Variants in KRT8 observed in about 807,000 individuals in gnomAD.
KRT8 encodes the protein keratin, type II cytoskeletal 8.
In KRT8, 24 loss-of-function variants were observed where a neutral mutation model predicts 43.0. The observed-to-expected ratio is 0.56, with a 90% CI of 0.40 to 0.78. KRT8 has a LOEUF of 0.78. Ranked by LOEUF, KRT8 falls within the 30% of genes least tolerant of loss-of-function variation. The pLI, the probability that KRT8 is intolerant of heterozygous loss-of-function variation, is 0.00. For missense variants in KRT8, 492 were observed against 638.4 expected, an observed-to-expected ratio of 0.77 and a Z score of 2.47; for synonymous variants, 214 against 261.2, an observed-to-expected ratio of 0.82 and a Z score of 1.74.
chr12:52,904,089 C>T (rs1941449347), intron 1 of KRT8, among the ~76,000 whole-genome samples: 1 of 151,754 alleles, frequency 6.6e-6, no homozygotes, highest in Admixed American at 6.6e-5. Context: ...ACACCCACTT[C>T]CTTCTCCTAG....
chr12:52,935,199 G>A (rs556329164), intron 2 of KRT8, among the ~76,000 whole-genome samples: 19 of 150,904 alleles, frequency 1.3e-4, no homozygotes, highest in Non-Finnish European at 2.4e-4. Context: ...TGGCCAACAC[G>A]GCAAAACCCT....
upstream of KRT8, among the ~76,000 whole-genome samples, chr12:52,906,365 G>A (rs1241246578): frequency 2.0e-5 from 3 of 152,174 alleles, no homozygotes; most frequent in Non-Finnish European, 4.4e-5. Flanking sequence ...AGGACGGCAG[G>A]GGGTACAGTG....
intron 2 of KRT8, among the ~76,000 whole-genome samples, chr12:52,945,391 G>A (rs78403437): frequency 0.05 from 7,642 of 152,250 alleles, 628 homozygotes; most frequent in African/African-American, 0.17. Context: ...ATGGGAATCA[G>A]TCTCTCCCTG....
chr12:52,949,734 C>T (rs758824565), exon 1 of KRT8: 3 of 777,078 alleles, frequency 3.9e-6, no homozygotes, highest in African/African-American at 3.4e-5. Context: ...CATCCGCGCA[C>T]CTAGCCACAG....
intron 2 of KRT8, among the ~76,000 whole-genome samples, chr12:52,944,521 C>T (rs980273200): frequency 6.6e-6 from 1 of 152,166 alleles, no homozygotes; most frequent in Non-Finnish European, 1.5e-5. Flanking sequence ...TGAGGAGAAG[C>T]CAACAGCACC....
intron 2 of KRT8, among the ~76,000 whole-genome samples, chr12:52,924,321 C>T (rs915122366): frequency 4.0e-5 from 6 of 151,732 alleles, no homozygotes; most frequent in Admixed American, 2.0e-4. Flanking sequence ...TGGTGGCGGG[C>T]GTCTGTAGTC....
At chr12:52,918,601 C>A (rs17690809) in intron 2 of KRT8, among the ~76,000 whole-genome samples, 8 of 152,286 alleles carry the variant, frequency 5.3e-5, no homozygotes, top group Non-Finnish European at 8.8e-5. Flanking sequence ...AGAAGAATTT[C>A]GCAGCCACTT....
At chr12:52,945,885 C>G (rs1226000261) in intron 2 of KRT8, among the ~76,000 whole-genome samples, 1 of 152,078 alleles carries the variant, frequency 6.6e-6, no homozygotes, top group East Asian at 1.9e-4. Flanking sequence ...GCTTCCCACC[C>G]CCACCCCAGA....
chr12:52,943,416 C>T (rs527350055), intron 2 of KRT8, among the ~76,000 whole-genome samples: 1 of 152,298 alleles, frequency 6.6e-6, no homozygotes, highest in African/African-American at 2.4e-5. Context: ...CGTCCTCTCT[C>T]CTGGTCTCTT....
intron 2 of KRT8, among the ~76,000 whole-genome samples, chr12:52,934,635 C>T (rs1212762614): frequency 6.6e-6 from 1 of 151,936 alleles, no homozygotes; most frequent in African/African-American, 2.4e-5. Context: ...CAAGACTTGC[C>T]ATAAAGCTGC....
chr12:52,926,069 G>T (rs78065166), intron 2 of KRT8, among the ~76,000 whole-genome samples: 2,671 of 152,152 alleles, frequency 0.018, 71 homozygotes, highest in African/African-American at 0.059. Context: ...TCTGCAGAGT[G>T]GAAGGGGGTG....
Position 52,914,306 on chromosome 12 carries a change from G to A in KRT8, c.-46-9279C>T, listed in dbSNP as rs368106928. On this transcript the variant is annotated intron_variant, in intron 2 of 6. Coordinates refer to the KRT8 transcript ENST00000546826. ...AATCCCAGCACTTTGGGAGGCCGAG[G>A]CAGGCGGATCACCTGAGGTTGGGAG... Among the ~76,000 whole-genome samples, 16 of 152,162 alleles carry A rather than the reference G, an allele frequency of 1.1e-4. No homozygotes were observed. In the East Asian group the frequency reaches 2.9e-3, roughly 28 times the overall value.
chr12:52,918,199 G>GAAGAAC (rs1289238840), intron 2 of KRT8, among the ~76,000 whole-genome samples: 1 of 121,420 alleles, frequency 8.2e-6, no homozygotes. Context: ...AGAAGAAGAA[G>GAAGAAC]AAGAACAAGA....
chr12:52,947,765 G>T (rs1226138489), intron 2 of KRT8: 1 of 141,046 alleles, frequency 7.1e-6, no homozygotes, highest in Non-Finnish European at 1.5e-5. Context: ...GGAGTGCAGT[G>T]GCATCGAACT....
exon 6 of KRT8, chr12:52,898,680 G>C: frequency 1.2e-6 from 2 of 1,614,192 alleles, no homozygotes; most frequent in Non-Finnish European, 1.7e-6. Flanking sequence ...CACACCCACC[G>C]GCTCTCCTCG....
In KRT8 at chr12:52,914,517, A is replaced by G. The variant is rs56187046; in HGVS notation, c.-46-9490T>C. Among the ~76,000 whole-genome samples, 306 of 152,314 alleles carry G rather than the reference A, an allele frequency of 2.0e-3. 1 individual carries two copies. Among genetic ancestry groups the G allele is most frequent in the South Asian group, 4.1e-3 (20 of 4,832 alleles). On this transcript the variant is annotated intron_variant, in intron 2 of 6. Coordinates refer to the KRT8 transcript ENST00000546826. ...ATACCATTGCACTCCAGCCTGGGCA[A>G]CAACAGTGAAACTCCGTCTCAAAAA...
intron 2 of KRT8, among the ~76,000 whole-genome samples, chr12:52,924,971 G>A (rs940390171): frequency 6.6e-6 from 1 of 152,322 alleles, no homozygotes; most frequent in South Asian, 2.1e-4. Flanking sequence ...ACCAGGAATG[G>A]GGAGGATGCG....
chr12:52,928,996 A>G (rs1330516092), intron 2 of KRT8, among the ~76,000 whole-genome samples: 1 of 152,058 alleles, frequency 6.6e-6, no homozygotes, highest in East Asian at 1.9e-4. Flanking sequence ...CAAGCTTCCC[A>G]AGAGGGGAGA....
intron 1 of KRT8, among the ~76,000 whole-genome samples, chr12:52,903,335 G>GCGC (rs1941422742): frequency 6.6e-6 from 1 of 152,210 alleles, no homozygotes; most frequent in Admixed American, 6.5e-5. Context: ...GCAGAGCAGT[G>GCGC]CGAACCAAGA....
Sources: allele counts gnomAD v4.1 joint callset (sites outside exome capture counted in the v4.1 genomes callset), GRCh38; gene constraint gnomAD v4.1.1; transcripts MANE v1.5; gene names NCBI Gene and HGNC (gene_info 2026-07-23, HGNC 2026-07-21).